NEDD4: variants seen among roughly 807,000 people sequenced by gnomAD.
NEDD4 encodes the protein E3 ubiquitin-protein ligase NEDD4.
NEDD4 carries 99 observed loss-of-function variants against 144.9 expected under a neutral mutation model. The observed-to-expected ratio is 0.68, with a 90% confidence interval of 0.58 to 0.81. The LOEUF is 0.81. NEDD4 is among the 30% of genes least tolerant of loss of function. NEDD4 has a pLI of 0.00. For missense variants in NEDD4, 985 were observed against 1,065.9 expected (o/e 0.92, Z 1.06); for synonymous variants, 318 against 350.6 (o/e 0.91, Z 1.04).
At chr15:55,924,563 C>A in intron 5 of NEDD4, 83 bp downstream of exon 5, 1 of 1,237,690 alleles carries the variant, frequency 8.1e-7, no homozygotes, top group Non-Finnish European at 1.2e-6. Flanking sequence ...CACTCAAATC[C>A]CAGACTGCTT....
At chr15:55,837,721 G>C in intron 24 of NEDD4, 68 bp downstream of exon 24, 1 of 1,076,664 alleles carries the variant, frequency 9.3e-7, no homozygotes, top group Non-Finnish European at 1.4e-6. Flanking sequence ...ATGTGATGAG[G>C]CCTAATATTT....
At chr15:55,933,665 C>A (rs1188397558) in intron 4 of NEDD4, among the ~76,000 whole-genome samples, 2 of 151,726 alleles carry the variant, frequency 1.3e-5, no homozygotes. Context: ...GTACGTGTAC[C>A]CTAGAACTTA....
chr15:55,908,191 T>A (rs2036161612), intron 5 of NEDD4, among the ~76,000 whole-genome samples: 1 of 152,230 alleles, frequency 6.6e-6, no homozygotes, highest in African/African-American at 2.4e-5. Context: ...ATTCATTAAT[T>A]TAATAAATAT....
chr15:55,842,448 G>A (rs140823423), intron 18 of NEDD4, among the ~76,000 whole-genome samples: 177 of 152,268 alleles, frequency 1.2e-3, no homozygotes, highest in African/African-American at 4.1e-3. Flanking sequence ...GTGCAGTGGC[G>A]TGAACATGGC....
At chr15:55,981,441 T>C (rs1370903155) in intron 1 of NEDD4, among the ~76,000 whole-genome samples, 1 of 152,122 alleles carries the variant, frequency 6.6e-6, no homozygotes, top group Non-Finnish European at 1.5e-5. Context: ...CTGGAACCTA[T>C]GGATTGACAG....
At chr15:55,839,114 G>A (rs577737864) in intron 21 of NEDD4, among the ~76,000 whole-genome samples, 2 of 151,016 alleles carry the variant, frequency 1.3e-5, no homozygotes, top group East Asian at 2.0e-4. Context: ...CTGCAGCCTC[G>A]ACCTCCTTGA....
intron 5 of NEDD4, among the ~76,000 whole-genome samples, chr15:55,908,203 T>C (rs534700355): frequency 6.6e-6 from 1 of 152,340 alleles, no homozygotes; most frequent in South Asian, 2.1e-4. Flanking sequence ...AATAAATATC[T>C]ATTAAGTGTC....
intron 5 of NEDD4, among the ~76,000 whole-genome samples, chr15:55,887,019 C>T (rs1483417099): frequency 3.3e-5 from 5 of 151,220 alleles, no homozygotes; most frequent in Non-Finnish European, 5.9e-5. Flanking sequence ...AAGTTTATAG[C>T]TAACAGTGCC....
intron 5 of NEDD4, among the ~76,000 whole-genome samples, chr15:55,903,073 T>C (rs2142161007): frequency 6.6e-6 from 1 of 152,262 alleles, no homozygotes; most frequent in Middle Eastern, 3.4e-3. Context: ...TGTTTAATAA[T>C]AATCCCTAAA....
At chr15:55,893,819 A>G (rs1364161783) in intron 5 of NEDD4, among the ~76,000 whole-genome samples, 1 of 149,278 alleles carries the variant, frequency 6.7e-6, no homozygotes, top group Non-Finnish European at 1.5e-5. Context: ...ATATAGATAG[A>G]AAAAAGGCTC....
chr15:55,975,851 A>C (rs1437158819), intron 1 of NEDD4, among the ~76,000 whole-genome samples: 3 of 152,208 alleles, frequency 2.0e-5, no homozygotes, highest in Non-Finnish European at 4.4e-5. Flanking sequence ...AACAAAATGG[A>C]GTCAAATTAA....
rs567002708 is a variant in NEDD4 at position 55,960,393 on chromosome 15, T to C, written c.119+6080A>G. Among the ~76,000 whole-genome samples the C allele has an allele frequency of 2.0e-5, 3 of 152,344 alleles. No homozygotes were observed. In the East Asian group the frequency reaches 5.8e-4, roughly 29 times the overall value. ...GAAGGACTTGACTTGCTGAGTCTTCTGGCCTTCATCTTTCTCTCGTGCTGG... is the reference window on the plus strand; with the variant it reads ...GAAGGACTTGACTTGCTGAGTCTTCCGGCCTTCATCTTTCTCTCGTGCTGG... On this transcript the variant is annotated intron_variant, in intron 2 of 28. Transcript: ENST00000435532.
At chr15:55,978,593 A>G (rs1440014521) in intron 1 of NEDD4, among the ~76,000 whole-genome samples, 1 of 152,246 alleles carries the variant, frequency 6.6e-6, no homozygotes, top group African/African-American at 2.4e-5. Context: ...TAAATAAAAA[A>G]GTAACAAAAG....
chr15:55,913,778 C>A (rs58879329), intron 5 of NEDD4, among the ~76,000 whole-genome samples: 1 of 151,872 alleles, frequency 6.6e-6, no homozygotes, highest in Non-Finnish European at 1.5e-5. Flanking sequence ...GCATCCACAA[C>A]AAACTATAAT....
intron 5 of NEDD4, among the ~76,000 whole-genome samples, chr15:55,874,589 G>T (rs917975252): frequency 9.9e-5 from 15 of 152,196 alleles, no homozygotes; most frequent in Admixed American, 4.6e-4. Context: ...AAAATCAACA[G>T]ATGGAAGACT....
At chr15:55,852,573 T>A in intron 12 of NEDD4, 30 bp from the exon 13 acceptor site, 1 of 1,606,724 alleles carries the variant, frequency 6.2e-7, no homozygotes, top group African/African-American at 1.3e-5. Flanking sequence ...AAGAATTAAA[T>A]ACATCAAGTT....
At chr15:55,943,343 G>C (rs1316053524) in intron 4 of NEDD4, among the ~76,000 whole-genome samples, 1 of 152,154 alleles carries the variant, frequency 6.6e-6, no homozygotes, top group Non-Finnish European at 1.5e-5. Context: ...AGAGATCTTT[G>C]TGGCAGCTCC....
intron 4 of NEDD4, among the ~76,000 whole-genome samples, chr15:55,939,008 G>T (rs1426191854): frequency 6.6e-6 from 1 of 152,134 alleles, no homozygotes. Context: ...TAGGGAGGCT[G>T]AGGTAGGCCA....
intron 4 of NEDD4, among the ~76,000 whole-genome samples, chr15:55,930,844 C>T (rs1036593181): frequency 6.6e-5 from 10 of 152,126 alleles, no homozygotes; most frequent in Admixed American, 1.3e-4. Flanking sequence ...CTTTGCCTTC[C>T]GCCATGATTG....
Sources: gnomAD v4.1 joint callset for allele counts (sites outside exome capture counted in the v4.1 genomes callset) on GRCh38, gnomAD v4.1.1 for gene constraint, MANE v1.5 for transcripts, NCBI Gene and HGNC (gene_info 2026-07-23, HGNC 2026-07-21) for gene names.